Variants in CLCN5 observed in about 807,000 individuals in gnomAD.
CLCN5 encodes the protein Cl-/H+ antiporter 5.
Under a neutral mutation model 54.0 loss-of-function variants are expected in CLCN5, and 17 were observed. The observed-to-expected ratio is 0.31, with a 90% CI of 0.22 to 0.47. The LOEUF is 0.47. Among genes scored for constraint, CLCN5 ranks in the 20% least tolerant of loss-of-function variants. The pLI is 1.00. For synonymous variants in CLCN5, 222 were observed against 233.0 expected, an observed-to-expected ratio of 0.95 and a Z score of 0.43; for missense variants, 448 against 646.7, an observed-to-expected ratio of 0.69 and a Z score of 3.33.
At chrX:49,936,470 G>C (rs782028742) in intron 3 of CLCN5, among the ~76,000 whole-genome samples, 1 of 111,977 alleles carries the variant, frequency 8.9e-6, no homozygotes, top group East Asian at 2.8e-4. Flanking sequence ...TTAATACTGA[G>C]GAATAGCATT....
At chrX:49,968,963 AT>A (rs1221666265) in intron 3 of CLCN5, among the ~76,000 whole-genome samples, 2 of 109,598 alleles carry the variant, frequency 1.8e-5, no homozygotes, top group Non-Finnish European at 3.8e-5. Flanking sequence ...ACTCAAACAA[AT>A]ATCTCTGATC....
At chrX:49,997,691 T>C (rs1171351983) in intron 3 of CLCN5, among the ~76,000 whole-genome samples, 2 of 98,715 alleles carry the variant, frequency 2.0e-5, no homozygotes, top group African/African-American at 7.5e-5. Flanking sequence ...ATGCCCGGCC[T>C]TTTTTTTTTT....
intron 13 of CLCN5, 62 bp from the exon 14 acceptor site, chrX:50,090,608 G>C: frequency 1.8e-5 from 21 of 1,155,671 alleles, no homozygotes; most frequent in Non-Finnish European, 2.5e-5. Flanking sequence ...GACTGGTTAG[G>C]AGCCAGAAGG....
At chrX:50,019,384 A>G in intron 3 of CLCN5, among the ~76,000 whole-genome samples, 1 of 109,110 alleles carries the variant, frequency 9.2e-6, no homozygotes, top group Non-Finnish European at 1.9e-5. Flanking sequence ...AATGTATCAC[A>G]ATCAGATCAC....
At chrX:49,973,854 C>T (rs980727210) in intron 3 of CLCN5, among the ~76,000 whole-genome samples, 1 of 111,347 alleles carries the variant, frequency 9.0e-6, no homozygotes, top group Non-Finnish European at 1.9e-5. Flanking sequence ...ATCTGATTCA[C>T]ACTAATTTCA....
At chrX:50,018,888 T>G (rs1294125259) in intron 3 of CLCN5, among the ~76,000 whole-genome samples, 1 of 111,901 alleles carries the variant, frequency 8.9e-6, no homozygotes, top group African/African-American at 3.2e-5. Flanking sequence ...GCATCTATGT[T>G]CATGGGAGAT....
chrX:49,959,033 C>G (rs1023842921), intron 3 of CLCN5, among the ~76,000 whole-genome samples: 1 of 107,282 alleles, frequency 9.3e-6, no homozygotes, highest in African/African-American at 3.7e-5. Flanking sequence ...TCTTTAGTCA[C>G]TTCTCCTTTT....
At chrX:50,053,041 G>A (rs1264432056) in intron 4 of CLCN5, among the ~76,000 whole-genome samples, 2 of 111,540 alleles carry the variant, frequency 1.8e-5, no homozygotes, top group Non-Finnish European at 3.8e-5. Flanking sequence ...TTCCAGTTTG[G>A]TAAGAGAGCA....
At chrX:49,995,795 TC>T (rs1485620589) in intron 3 of CLCN5, among the ~76,000 whole-genome samples, 1 of 112,069 alleles carries the variant, frequency 8.9e-6, no homozygotes. Context: ...TAAAATTCAT[TC>T]AGCTGCCAGT....
intron 3 of CLCN5, among the ~76,000 whole-genome samples, chrX:49,954,259 G>A (rs1022172992): frequency 1.8e-5 from 2 of 111,610 alleles, no homozygotes; most frequent in East Asian, 2.8e-4. Context: ...TGTGCAACCC[G>A]CGGCCTGTGG....
At chrX:50,041,575 AT>A (rs1360175969) in intron 3 of CLCN5, among the ~76,000 whole-genome samples, 32 of 109,963 alleles carry the variant, frequency 2.9e-4, no homozygotes, top group Non-Finnish European at 4.0e-4. Flanking sequence ...GAATAAGATA[AT>A]TTTTTTTCCC....
intron 3 of CLCN5, among the ~76,000 whole-genome samples, chrX:50,017,683 A>T (rs12387959): frequency 1.2e-3 from 120 of 103,882 alleles, no homozygotes; most frequent in African/African-American, 2.2e-3. Flanking sequence ...CTCTAGATTC[A>T]TTTTTTTTTT....
chrX:49,938,287 A>G (rs1557170118), intron 3 of CLCN5, among the ~76,000 whole-genome samples: 1 of 111,893 alleles, frequency 8.9e-6, no homozygotes, highest in African/African-American at 3.2e-5. Flanking sequence ...GGAAAAAACT[A>G]CTTTAAAGTT....
chrX:49,951,744 A>G (rs1274953065), intron 3 of CLCN5, among the ~76,000 whole-genome samples: 2 of 111,968 alleles, frequency 1.8e-5, no homozygotes, highest in Non-Finnish European at 3.8e-5. Flanking sequence ...ACTCAAAGGA[A>G]CATGCAGAAC....
chrX:50,094,496 GTTTGGTCATAT>G lies in CLCN5; in HGVS notation c.*2280_*2290del, dbSNP rs1934198376. ...TTCTGGTATTTAATGACAATGAAAGGTTTGGTCATATTTCATAGTGCAGTAGCGATAAGGAG... is the reference window on the plus strand; with the variant it reads ...TTCTGGTATTTAATGACAATGAAAGGTTCATAGTGCAGTAGCGATAAGGAG... On this transcript the variant is annotated 3_prime_UTR_variant, in exon 15 of 15. Coordinates refer to ENST00000376091, the MANE Select transcript of CLCN5 (RefSeq NM_001127898.4). 8.9e-6 allele frequency: 1 copy of G among 112,386 alleles called. No homozygotes were observed. Among genetic ancestry groups the G allele is most frequent in the Non-Finnish European group, 1.9e-5 (1 of 53,288 alleles). 9.3% of individuals were successfully genotyped at this position (112,386 alleles called of 1,213,427 possible). A position where few individuals can be genotyped will look rare whatever the true frequency, so the allele number is the denominator to read the frequency against.
chrX:50,083,567 G>A (rs1692019887), intron 9 of CLCN5, among the ~76,000 whole-genome samples: 1 of 111,910 alleles, frequency 8.9e-6, no homozygotes, highest in South Asian at 3.7e-4. Context: ...ATTGAACTGT[G>A]ATTATGGAAG....
intron 3 of CLCN5, among the ~76,000 whole-genome samples, chrX:49,975,989 T>C (rs1333020721): frequency 9.0e-6 from 1 of 111,665 alleles, no homozygotes; most frequent in Non-Finnish European, 1.9e-5. Flanking sequence ...TCTACTGGCA[T>C]CTAGTGGGTG....
intron 3 of CLCN5, among the ~76,000 whole-genome samples, chrX:49,966,143 T>G (rs1340350053): frequency 9.0e-6 from 1 of 111,496 alleles, no homozygotes; most frequent in Non-Finnish European, 1.9e-5. Flanking sequence ...TCACTAGAAC[T>G]AGTATTATTT....
chrX:50,000,326 G>GACCTCCCAATTGGGAGGTTATTACA (rs1381446156), intron 3 of CLCN5, among the ~76,000 whole-genome samples: 5 of 109,411 alleles, frequency 4.6e-5, no homozygotes, highest in Admixed American at 9.7e-5. Context: ...AAATAAAACT[G>GACCTCCCAATTGGGAGGTTATTACA]ACCTCCCAAT....
Sources: allele counts gnomAD v4.1 joint callset (sites outside exome capture counted in the v4.1 genomes callset), GRCh38; gene constraint gnomAD v4.1.1; transcripts MANE v1.5; gene names NCBI Gene and HGNC (gene_info 2026-07-23, HGNC 2026-07-21).